The following POC1B variants were observed in gnomAD, a reference collection of about 807,000 sequenced individuals.
POC1B encodes the protein POC1 centriolar protein B.
POC1B carries 44 observed loss-of-function variants against 60.6 expected under a neutral mutation model. The ratio of observed to expected loss-of-function variants is 0.73; its 90% CI spans 0.57 to 0.93. The LOEUF (loss-of-function observed/expected upper bound fraction) is 0.93, where lower values mean the gene tolerates loss of function less well. Among genes scored for constraint, POC1B ranks in the 40% least tolerant of loss-of-function variants. POC1B has a pLI of 0.00. For missense variants in POC1B, 555 were observed against 572.3 expected, an observed-to-expected ratio of 0.97 and a Z score of 0.31; for synonymous variants, 180 against 198.9, an observed-to-expected ratio of 0.90 and a Z score of 0.80.
intron 4 of POC1B, among the ~76,000 whole-genome samples, chr12:89,479,963 A>G (rs1424276037): frequency 6.6e-6 from 1 of 152,170 alleles, no homozygotes; most frequent in Non-Finnish European, 1.5e-5. Flanking sequence ...TATTAAATAG[A>G]CCATATATTT....
chr12:89,496,251 T>C (rs773481615), intron 3 of POC1B, among the ~76,000 whole-genome samples: 13 of 152,128 alleles, frequency 8.5e-5, no homozygotes, highest in Non-Finnish European at 1.3e-4. Context: ...TTTGTGCTCC[T>C]ATGAGAATCT....
chr12:89,525,935 A>C lies in POC1B; in HGVS notation c.-40T>G, dbSNP rs2135786861. The C allele has an allele frequency of 6.5e-7, 1 of 1,530,170 alleles. No individual in the cohort carries two copies. Among genetic ancestry groups the C allele is most frequent in the Non-Finnish European group, 8.8e-7 (1 of 1,135,260 alleles). 94.8% of individuals were successfully genotyped at this position (1,530,170 alleles called of 1,614,324 possible). A position where few individuals can be genotyped will look rare whatever the true frequency, so the allele number is the denominator to read the frequency against. On this transcript the variant is annotated 5_prime_UTR_variant, in exon 1 of 12. Coordinates refer to ENST00000313546, the MANE Select transcript of POC1B (RefSeq NM_172240.3). ...GCCCAAGGCTCCTGTGGGTGGGGGAACCCGGAGAGGGGAGGGGAGAGGATG... is the reference window on the plus strand; with the variant it reads ...GCCCAAGGCTCCTGTGGGTGGGGGACCCCGGAGAGGGGAGGGGAGAGGATG...
chr12:89,432,196 C>T (rs1487097842), intron 10 of POC1B, among the ~76,000 whole-genome samples: 1 of 151,766 alleles, frequency 6.6e-6, no homozygotes, highest in Non-Finnish European at 1.5e-5. Context: ...CCAGCCTGGG[C>T]AACACGGTGA....
At chr12:89,458,154 T>G (rs753842316) in intron 10 of POC1B, among the ~76,000 whole-genome samples, 19 of 152,208 alleles carry the variant, frequency 1.2e-4, no homozygotes, top group Non-Finnish European at 2.5e-4. Flanking sequence ...AAATGTGCAA[T>G]TTTAGTCTAC....
chr12:89,497,451 G>T, intron 2 of POC1B, 109 bp from the exon 3 acceptor site: 1 of 1,157,458 alleles, frequency 8.6e-7, no homozygotes, highest in Non-Finnish European at 1.2e-6. Context: ...GTAATAGAGC[G>T]GCTGGAGGTT....
chr12:89,512,501 G>A (rs941145971), intron 2 of POC1B, among the ~76,000 whole-genome samples: 93 of 152,204 alleles, frequency 6.1e-4, no homozygotes, highest in African/African-American at 2.2e-3. Flanking sequence ...GCTCATGCCT[G>A]TAATCCCAGT....
At chr12:89,440,631 A>C (rs146902278) in intron 10 of POC1B, among the ~76,000 whole-genome samples, 17 of 152,336 alleles carry the variant, frequency 1.1e-4, no homozygotes, top group Non-Finnish European at 2.2e-4. Flanking sequence ...CTCTACTAAA[A>C]ATACAGAATT....
rs551435702 is a variant in POC1B at position 89,439,872 on chromosome 12, T to C, written c.1114-14493A>G. On this transcript the variant is annotated intron_variant, in intron 10 of 11. Transcript: ENST00000313546. Reference sequence around the variant, plus strand: ...CACCTGCCTCAGCCTCGCAAAGTGCTGGGATTACAGGCATGAGCCACTGTG... The same window carrying C: ...CACCTGCCTCAGCCTCGCAAAGTGCCGGGATTACAGGCATGAGCCACTGTG... 2.4e-4 allele frequency among the ~76,000 whole-genome samples: 36 copies of C among 152,342 alleles called. 1 individual carries two copies. The highest frequency in any genetic ancestry group is 6.7e-4 in the African/African-American group (28 of 41,574).
chr12:89,502,261 G>A, intron 2 of POC1B: 1 of 1,494,428 alleles, frequency 6.7e-7, no homozygotes, highest in East Asian at 2.3e-5. Flanking sequence ...ACGAACTAAA[G>A]TGATACCAAA....
At chr12:89,470,899 T>C (rs1360473701) in intron 6 of POC1B, among the ~76,000 whole-genome samples, 1 of 152,226 alleles carries the variant, frequency 6.6e-6, no homozygotes, top group Non-Finnish European at 1.5e-5. Flanking sequence ...AGTCCTGCCA[T>C]CATGCTTGAG....
chr12:89,466,754 T>A lies in POC1B; in HGVS notation c.1032+16A>T, dbSNP rs1314121960. 6.3e-7 allele frequency: 1 copy of A among 1,596,594 alleles called. No individual in the cohort carries two copies. Among genetic ancestry groups the A allele is most frequent in the Non-Finnish European group, 8.5e-7 (1 of 1,170,240 alleles). On this transcript the variant is annotated intron_variant, in intron 9 of 11. Transcript: ENST00000313546. ...ATGTACACAAAATGTAGGACAAATA[T>A]GAACAAAATACTCACTTCTACAGTC...
intron 4 of POC1B, among the ~76,000 whole-genome samples, chr12:89,483,784 C>T (rs1053312379): frequency 6.6e-6 from 1 of 152,078 alleles, no homozygotes. Flanking sequence ...CATCCATCAC[C>T]AGGAGACCTT....
At chr12:89,415,239 TCA>T (rs201662366), downstream of POC1B, among the ~76,000 whole-genome samples, 3,267 of 152,320 alleles carry the variant, frequency 0.021, 61 homozygotes, top group Non-Finnish European at 0.033. Context: ...GAATTAAATA[TCA>T]CACATTTATT....
chr12:89,445,358 A>G (rs1034276996), intron 10 of POC1B, among the ~76,000 whole-genome samples: 9 of 152,198 alleles, frequency 5.9e-5, no homozygotes, highest in African/African-American at 2.2e-4. Flanking sequence ...TTCAAACTAT[A>G]CTACAAGGGT....
chr12:89,475,142 A>T (rs138470739), intron 4 of POC1B, among the ~76,000 whole-genome samples: 73 of 152,338 alleles, frequency 4.8e-4, no homozygotes, highest in African/African-American at 1.7e-3. Context: ...TTAACAAAAC[A>T]GGTGCCAATT....
the POC1B span, among the ~76,000 whole-genome samples, chr12:89,401,899 G>A: frequency 6.6e-6 from 1 of 152,238 alleles, no homozygotes; most frequent in Non-Finnish European, 1.5e-5. Flanking sequence ...TTGACCTAAT[G>A]CAAACAACGA....
chr12:89,458,600 G>C (rs1344682), intron 10 of POC1B, among the ~76,000 whole-genome samples: 114,836 of 152,070 alleles, frequency 0.76, 43,435 homozygotes, highest in Middle Eastern at 0.82. Context: ...AATTAGAATG[G>C]TTTCTGGTAC....
intron 10 of POC1B, among the ~76,000 whole-genome samples, chr12:89,430,589 TACC>T (rs1880988936): frequency 6.6e-6 from 1 of 152,198 alleles, no homozygotes; most frequent in Non-Finnish European, 1.5e-5. Flanking sequence ...TCTCTCCTTC[TACC>T]ACCACCCTTT....
intron 2 of POC1B, among the ~76,000 whole-genome samples, chr12:89,503,713 C>T (rs1438642417): frequency 6.6e-6 from 1 of 151,370 alleles, no homozygotes; most frequent in Non-Finnish European, 1.5e-5. Context: ...AGGTGAGGAG[C>T]GTCTCTGCCC....
Sources: gnomAD v4.1 joint callset for allele counts (sites outside exome capture counted in the v4.1 genomes callset) on GRCh38, gnomAD v4.1.1 for gene constraint, MANE v1.5 for transcripts, NCBI Gene and HGNC (gene_info 2026-07-23, HGNC 2026-07-21) for gene names.